The following RAB3C variants were observed in gnomAD, a reference collection of about 807,000 sequenced individuals.
RAB3C encodes RAB3C, member RAS oncogene family, also known as ras-related protein Rab-3C.
Under a neutral mutation model 26.4 loss-of-function variants are expected in RAB3C, and 17 were observed. The observed-to-expected ratio is 0.64, with a 90% CI of 0.44 to 0.97. RAB3C has a LOEUF of 0.97. RAB3C is among the 50% of genes least tolerant of loss of function. The pLI is 0.00. For missense variants in RAB3C, 242 were observed against 281.9 expected, an observed-to-expected ratio of 0.86 and a Z score of 1.01; for synonymous variants, 91 against 95.9, an observed-to-expected ratio of 0.95 and a Z score of 0.30.
At chr5:58,726,257 T>A (rs1740886804) in intron 3 of RAB3C, 137 bp downstream of exon 3, 1 of 482,090 alleles carries the variant, frequency 2.1e-6, no homozygotes, top group Non-Finnish European at 3.8e-6. Flanking sequence ...GTGCTTCATT[T>A]AAAAAAAAAT....
At chr5:58,717,252 G>A (rs1341365529) in intron 2 of RAB3C, among the ~76,000 whole-genome samples, 1 of 152,090 alleles carries the variant, frequency 6.6e-6, no homozygotes, top group African/African-American at 2.4e-5. Context: ...TATATTCTCA[G>A]CGACTGGTAG....
Position 58,612,440 on chromosome 5 carries a change from T to C in RAB3C, c.25-5203T>C, listed in dbSNP as rs958457020. On this transcript the variant is annotated intron_variant, in intron 1 of 4. Coordinates refer to ENST00000282878, the MANE Select transcript of RAB3C (RefSeq NM_138453.4). The stretch of plus-strand genomic sequence containing the variant: ...TGTTTTGTAGTTGTTTTTGTAGAAA[T>C]CTTTCAGTTCCCTGGTTAGCTGGTT... Among the ~76,000 whole-genome samples the C allele has an allele frequency of 7.3e-5, 11 of 150,548 alleles. No individual in the cohort carries two copies. In the East Asian group the frequency reaches 1.9e-3, roughly 27 times the overall value.
chr5:58,628,229 C>A (rs1747105690), intron 2 of RAB3C, among the ~76,000 whole-genome samples: 3 of 142,340 alleles, frequency 2.1e-5, no homozygotes, highest in South Asian at 4.4e-4. Flanking sequence ...CAGAAAAGTA[C>A]AAAGGAGACA....
chr5:58,653,336 T>C (rs577256819), intron 2 of RAB3C, among the ~76,000 whole-genome samples: 3 of 152,230 alleles, frequency 2.0e-5, no homozygotes, highest in Non-Finnish European at 4.4e-5. Flanking sequence ...AGGAATGCTT[T>C]TACACTGTTG....
chr5:58,814,280 C>A (rs1349435237), intron 3 of RAB3C, among the ~76,000 whole-genome samples: 1 of 152,158 alleles, frequency 6.6e-6, no homozygotes, highest in Non-Finnish European at 1.5e-5. Context: ...CACTCCTTCT[C>A]CTTGGAAATC....
intron 3 of RAB3C, among the ~76,000 whole-genome samples, chr5:58,807,128 A>G (rs1742959682): frequency 6.6e-6 from 1 of 152,194 alleles, no homozygotes. Flanking sequence ...TTTAATCTGT[A>G]TCTCATGTGA....
At chr5:58,687,280 G>C (rs1176627378) in intron 2 of RAB3C, among the ~76,000 whole-genome samples, 2 of 152,162 alleles carry the variant, frequency 1.3e-5, no homozygotes. Flanking sequence ...TTTTAAAAGA[G>C]AGGGAACCAT....
chr5:58,725,708 A>C (rs117978845), intron 2 of RAB3C, among the ~76,000 whole-genome samples: 2 of 152,038 alleles, frequency 1.3e-5, no homozygotes, highest in Non-Finnish European at 2.9e-5. Context: ...ATGTTTCTGC[A>C]TAAAGACAAA....
rs190787993 is a variant in RAB3C, at chr5:58,612,293, A to G, written c.25-5350A>G. Among the ~76,000 whole-genome samples the G allele has an allele frequency of 3.4e-3, 516 of 151,926 alleles. 3 individuals are homozygous for G. The highest frequency in any genetic ancestry group is 5.1e-3 in the Non-Finnish European group (345 of 67,972). ...GAATATCATTGGTAGTTAAATAGGA[A>G]TATCATTGAATCTATAAATTGCTTT... is the stretch of plus-strand genomic sequence containing the variant. On this transcript the variant is annotated intron_variant, in intron 1 of 4. Coordinates refer to ENST00000282878, the MANE Select transcript of RAB3C (RefSeq NM_138453.4).
At chr5:58,817,646 A>AATC (rs1743246510) in intron 3 of RAB3C, among the ~76,000 whole-genome samples, 2 of 152,192 alleles carry the variant, frequency 1.3e-5, no homozygotes, top group Admixed American at 1.3e-4. Flanking sequence ...AGTTGGAGGG[A>AATC]ATCATCCTAA....
intron 2 of RAB3C, among the ~76,000 whole-genome samples, chr5:58,634,046 CAGG>C (rs1747240015): frequency 6.6e-6 from 1 of 150,844 alleles, no homozygotes; most frequent in South Asian, 2.1e-4. Context: ...GAGGCTGAGG[CAGG>C]AGAATGGCGT....
chr5:58,692,198 A>C (rs1194121134), intron 2 of RAB3C, among the ~76,000 whole-genome samples: 1 of 152,180 alleles, frequency 6.6e-6, no homozygotes, highest in Non-Finnish European at 1.5e-5. Context: ...AGCCACGTCC[A>C]TTTTTATCTC....
intron 4 of RAB3C, among the ~76,000 whole-genome samples, chr5:58,832,499 T>G (rs1048673369): frequency 3.9e-5 from 6 of 152,154 alleles, no homozygotes; most frequent in Non-Finnish European, 8.8e-5. Flanking sequence ...CAACTATTGG[T>G]CAAGGCACTA....
At chr5:58,821,369 A>G (rs959852737) in intron 3 of RAB3C, among the ~76,000 whole-genome samples, 12 of 152,222 alleles carry the variant, frequency 7.9e-5, no homozygotes, top group African/African-American at 2.9e-4. Context: ...TACATGAAGA[A>G]ATCTGATCGG....
chr5:58,692,184 ATATAGCCACGTCCATTT>A (rs1349702699), intron 2 of RAB3C, among the ~76,000 whole-genome samples: 1 of 152,212 alleles, frequency 6.6e-6, no homozygotes, highest in African/African-American at 2.4e-5. Context: ...AGATCTTAAA[ATATAGCCACGTCCATTT>A]TTATCTCAGT....
chr5:58,833,624 G>A (rs1012554645), intron 4 of RAB3C, among the ~76,000 whole-genome samples: 26 of 152,012 alleles, frequency 1.7e-4, no homozygotes, highest in African/African-American at 5.8e-4. Flanking sequence ...GGAGAATTTC[G>A]GAGTAAAATC....
intron 3 of RAB3C, among the ~76,000 whole-genome samples, chr5:58,781,801 C>T (rs1742276268): frequency 6.6e-6 from 1 of 152,018 alleles, no homozygotes; most frequent in South Asian, 2.1e-4. Context: ...CTCCATCCCA[C>T]CCTGAACCAA....
chr5:58,604,827 G>A (rs1746526334), intron 1 of RAB3C, among the ~76,000 whole-genome samples: 1 of 152,150 alleles, frequency 6.6e-6, no homozygotes, highest in Non-Finnish European at 1.5e-5. Flanking sequence ...TTCTGGCCAG[G>A]AAGATTTTTG....
intron 2 of RAB3C, among the ~76,000 whole-genome samples, chr5:58,633,650 G>A (rs991008064): frequency 7.9e-5 from 12 of 152,050 alleles, no homozygotes; most frequent in Non-Finnish European, 1.8e-4. Context: ...TTTCTTAACT[G>A]CCTCTTCCAC....
Sources: gnomAD v4.1 joint callset for allele counts (sites outside exome capture counted in the v4.1 genomes callset) on GRCh38, gnomAD v4.1.1 for gene constraint, MANE v1.5 for transcripts, NCBI Gene and HGNC (gene_info 2026-07-23, HGNC 2026-07-21) for gene names.